The following NTRK2 variants were observed in gnomAD, a reference collection of about 807,000 sequenced individuals.
NTRK2 encodes the protein neurotrophic receptor tyrosine kinase 2.
In NTRK2, 13 loss-of-function variants were observed where a neutral mutation model predicts 94.5. The observed-to-expected ratio is 0.14, with a 90% CI of 0.09 to 0.22. The LOEUF (loss-of-function observed/expected upper bound fraction) is 0.22, where lower values mean the gene tolerates loss of function less well. NTRK2 is among the 10% of genes least tolerant of loss of function. The pLI is 1.00. For missense variants in NTRK2, 639 were observed against 1,071.2 expected, an observed-to-expected ratio of 0.60 and a Z score of 5.63; for synonymous variants, 372 against 407.4, an observed-to-expected ratio of 0.91 and a Z score of 1.05.
intron 14 of NTRK2, among the ~76,000 whole-genome samples, chr9:84,907,288 T>C (rs1250011812): frequency 2.0e-5 from 3 of 151,646 alleles, no homozygotes; most frequent in Non-Finnish European, 4.4e-5. Flanking sequence ...AGTAAGAGAG[T>C]CTTCACCTGG....
chr9:84,692,557 G>A (rs2060120209), intron 2 of NTRK2, among the ~76,000 whole-genome samples: 1 of 136,964 alleles, frequency 7.3e-6, no homozygotes, highest in South Asian at 2.3e-4. Context: ...TGTAACCTCT[G>A]CCTCCCAGGT....
chr9:84,882,799 C>T (rs1427338259), intron 14 of NTRK2, among the ~76,000 whole-genome samples: 5 of 152,074 alleles, frequency 3.3e-5, no homozygotes, highest in African/African-American at 4.8e-5. Flanking sequence ...TCGGAGTTTT[C>T]GCTCTTGTCG....
At chr9:85,018,954 T>A (rs548959136) in intron 17 of NTRK2, among the ~76,000 whole-genome samples, 6 of 152,272 alleles carry the variant, frequency 3.9e-5, no homozygotes, top group African/African-American at 1.4e-4. Context: ...TTTGTCCCTA[T>A]TTGTCAAATT....
At chr9:84,922,070 T>A (rs1002595541) in intron 14 of NTRK2, among the ~76,000 whole-genome samples, 7 of 152,206 alleles carry the variant, frequency 4.6e-5, no homozygotes, top group Admixed American at 4.6e-4. Flanking sequence ...AAGATATGAC[T>A]TAGTGATAAA....
intron 2 of NTRK2, among the ~76,000 whole-genome samples, chr9:84,674,222 C>A (rs1424217817): frequency 2.0e-5 from 3 of 152,074 alleles, no homozygotes; most frequent in Admixed American, 6.5e-5. Context: ...GTTGCACGTG[C>A]TTTATGAAGA....
intron 6 of NTRK2, among the ~76,000 whole-genome samples, chr9:84,711,185 T>A (rs2061398981): frequency 6.6e-6 from 1 of 152,148 alleles, no homozygotes; most frequent in African/African-American, 2.4e-5. Flanking sequence ...GATCTCAGGG[T>A]GATGAAAGTG....
intron 12 of NTRK2, among the ~76,000 whole-genome samples, chr9:84,828,461 T>C (rs944596995): frequency 1.3e-5 from 2 of 152,162 alleles, no homozygotes; most frequent in Admixed American, 6.5e-5. Context: ...GATTCAGGAT[T>C]CAGGTGAATA....
At chr9:84,928,225 T>C (rs2077891159) in intron 14 of NTRK2, among the ~76,000 whole-genome samples, 1 of 152,178 alleles carries the variant, frequency 6.6e-6, no homozygotes, top group Non-Finnish European at 1.5e-5. Flanking sequence ...TCACACAAAT[T>C]TGTTTTTATA....
chr9:84,840,065 A>G (rs2074086819), intron 12 of NTRK2, among the ~76,000 whole-genome samples: 1 of 152,038 alleles, frequency 6.6e-6, no homozygotes, highest in Non-Finnish European at 1.5e-5. Flanking sequence ...AAATTTAGAA[A>G]TAAAATAAGA....
intron 12 of NTRK2, among the ~76,000 whole-genome samples, chr9:84,808,275 T>C (rs1234939940): frequency 6.6e-6 from 1 of 152,144 alleles, no homozygotes; most frequent in African/African-American, 2.4e-5. Flanking sequence ...AAATAGCAGA[T>C]AGAAACAAAG....
intron 17 of NTRK2, among the ~76,000 whole-genome samples, chr9:84,963,730 A>C (rs906679917): frequency 1.3e-5 from 2 of 152,190 alleles, no homozygotes; most frequent in African/African-American, 4.8e-5. Flanking sequence ...TTTCACTTAT[A>C]ATAAGCCACT....
At chr9:84,718,204 G>T (rs1252250723) in intron 6 of NTRK2, among the ~76,000 whole-genome samples, 1 of 152,050 alleles carries the variant, frequency 6.6e-6, no homozygotes, top group African/African-American at 2.4e-5. Flanking sequence ...ATAGTTGTAG[G>T]AACAAAAGCC....
chr9:84,803,991 G>A (rs747035937), intron 12 of NTRK2, among the ~76,000 whole-genome samples: 1 of 152,134 alleles, frequency 6.6e-6, no homozygotes, highest in African/African-American at 2.4e-5. Flanking sequence ...AGAGACATCG[G>A]CCACACATAA....
intron 17 of NTRK2, among the ~76,000 whole-genome samples, chr9:84,978,589 C>T (rs1005241711): frequency 5.9e-5 from 9 of 152,168 alleles, no homozygotes; most frequent in Non-Finnish European, 1.3e-4. Context: ...GGAGAAGCTA[C>T]GGCAAGTTAC....
chr9:84,901,812 A>G (rs188128222), intron 14 of NTRK2, among the ~76,000 whole-genome samples: 147 of 152,258 alleles, frequency 9.7e-4, no homozygotes, highest in African/African-American at 3.4e-3. Context: ...CCCTCTGTAC[A>G]GAATGCTCCA....
At chr9:84,997,598 C>T (rs1279683077) in intron 17 of NTRK2, among the ~76,000 whole-genome samples, 1 of 152,078 alleles carries the variant, frequency 6.6e-6, no homozygotes, top group African/African-American at 2.4e-5. Context: ...TGGGTCAGCT[C>T]CCCTGGGGCA....
chr9:84,952,036 T>C (rs1157606228), intron 16 of NTRK2, among the ~76,000 whole-genome samples: 1 of 152,246 alleles, frequency 6.6e-6, no homozygotes, highest in Admixed American at 6.5e-5. Flanking sequence ...TGTCCAGAGT[T>C]GCCGTCTAAT....
At position 84,751,917 on chromosome 9, in the gene NTRK2, T is replaced by A. The variant is rs911799344; in HGVS notation, c.1297-69T>A. ...GCCTGTATCATTATCATCGTCATGA[T>A]CATCATCACCATATGATTATAGGGA... On this transcript the variant is annotated intron_variant, in intron 11 of 18. Transcript: ENST00000277120. The A allele has an allele frequency of 3.8e-5, 45 of 1,178,182 alleles. 1 individual carries two copies. The South Asian group carries it at 5.3e-4, about 14-fold the overall frequency. 73.0% of individuals were successfully genotyped at this position (1,178,182 alleles called of 1,614,324 possible). A position where few individuals can be genotyped will look rare whatever the true frequency, so the allele number is the denominator to read the frequency against.
At chr9:84,843,450 G>A (rs188210196) in intron 12 of NTRK2, among the ~76,000 whole-genome samples, 9 of 152,262 alleles carry the variant, frequency 5.9e-5, no homozygotes, top group Admixed American at 3.9e-4. Flanking sequence ...CCCAGGACCC[G>A]ACTGAGAGGT....
Sources: gnomAD v4.1 joint callset for allele counts (sites outside exome capture counted in the v4.1 genomes callset) on GRCh38, gnomAD v4.1.1 for gene constraint, MANE v1.5 for transcripts, NCBI Gene and HGNC (gene_info 2026-07-23, HGNC 2026-07-21) for gene names.